XKR4: variants seen among roughly 807,000 people sequenced by gnomAD.
The protein encoded by XKR4 is XK-related protein 4.
In XKR4, 12 loss-of-function variants were observed where a neutral mutation model predicts 53.9. The ratio of observed to expected loss-of-function variants is 0.22; its 90% confidence interval spans 0.14 to 0.36. XKR4 has a LOEUF of 0.36. Ranked by LOEUF, XKR4 falls within the 10% of genes least tolerant of loss-of-function variation. The probability of loss-of-function intolerance (pLI) is 1.00; values close to 1 mark genes in which losing one functional copy is unlikely to be tolerated. For synonymous variants in XKR4, 354 were observed against 362.4 expected, an observed-to-expected ratio of 0.98 and a Z score of 0.26; for missense variants, 799 against 859.5, an observed-to-expected ratio of 0.93 and a Z score of 0.88.
intron 1 of XKR4, among the ~76,000 whole-genome samples, chr8:55,222,701 A>G (rs1162333257): frequency 6.6e-6 from 1 of 152,244 alleles, no homozygotes; most frequent in Admixed American, 6.5e-5. Flanking sequence ...TGGTACATCC[A>G]TGTTGAATGA....
At chr8:55,181,529 G>T (rs1463069484) in intron 1 of XKR4, among the ~76,000 whole-genome samples, 2 of 151,986 alleles carry the variant, frequency 1.3e-5, no homozygotes, top group East Asian at 3.9e-4. Flanking sequence ...CGGATATGCA[G>T]TAGGCATTTG....
chr8:55,318,296 C>T (rs1328790565), intron 1 of XKR4, among the ~76,000 whole-genome samples: 1 of 152,170 alleles, frequency 6.6e-6, no homozygotes, highest in East Asian at 1.9e-4. Flanking sequence ...TCAAAAGTAG[C>T]ATTATAAATA....
chr8:55,419,806 C>T (rs559689154), intron 2 of XKR4, among the ~76,000 whole-genome samples: 9 of 152,268 alleles, frequency 5.9e-5, no homozygotes, highest in South Asian at 2.1e-4. Flanking sequence ...ATTGCTTACT[C>T]GGGATACTTA....
At chr8:55,104,767 C>T (rs1217466985) in intron 1 of XKR4, among the ~76,000 whole-genome samples, 1 of 151,916 alleles carries the variant, frequency 6.6e-6, no homozygotes, top group Non-Finnish European at 1.5e-5. Context: ...ATATTTTGGA[C>T]TCAAAGTAAC....
intron 1 of XKR4, among the ~76,000 whole-genome samples, chr8:55,326,381 A>G (rs977944750): frequency 6.6e-6 from 1 of 150,908 alleles, no homozygotes; most frequent in African/African-American, 2.4e-5. Context: ...CAAAGTGCTT[A>G]TGTGATTTGT....
intron 1 of XKR4, among the ~76,000 whole-genome samples, chr8:55,238,895 G>C (rs1035008550): frequency 2.6e-5 from 4 of 152,118 alleles, no homozygotes; most frequent in African/African-American, 9.7e-5. Context: ...GGTTCATATA[G>C]GTAGTAAATA....
In XKR4 at chr8:55,103,183, A is replaced by ACAG. The variant is rs759759843; in HGVS notation, c.700_702dup (p.Ser234dup). ...ATCGCCGCGGCCAACAGCGGCAGCA[A>ACAG]CAGCAGCGGGGCTACCCGGGCCAGT... is the stretch of plus-strand genomic sequence containing the variant. On this transcript the variant is annotated inframe_insertion, in exon 1 of 3. Coordinates refer to ENST00000327381, the MANE Select transcript of XKR4 (RefSeq NM_052898.2). 2 of 1,614,058 alleles carry ACAG rather than the reference A, an allele frequency of 1.2e-6. No homozygotes were observed. The highest frequency in any genetic ancestry group is 2.2e-5 in the South Asian group (2 of 91,082).
chr8:55,172,648 A>T (rs1225106128), intron 1 of XKR4, among the ~76,000 whole-genome samples: 1 of 152,218 alleles, frequency 6.6e-6, no homozygotes, highest in Non-Finnish European at 1.5e-5. Context: ...ACAGGTATTT[A>T]AAAAACACAT....
intron 2 of XKR4, among the ~76,000 whole-genome samples, chr8:55,423,162 T>G (rs1161449118): frequency 6.6e-6 from 1 of 152,042 alleles, no homozygotes; most frequent in African/African-American, 2.4e-5. Context: ...GTGGCACGAT[T>G]TTGGCTTACT....
At chr8:55,474,539 T>C (rs1244085607) in intron 2 of XKR4, among the ~76,000 whole-genome samples, 3 of 152,122 alleles carry the variant, frequency 2.0e-5, no homozygotes, top group Non-Finnish European at 4.4e-5. Flanking sequence ...TTGGCTTCAG[T>C]GAAATGTCAT....
chr8:55,220,206 T>G (rs1817862930), intron 1 of XKR4, among the ~76,000 whole-genome samples: 1 of 152,056 alleles, frequency 6.6e-6, no homozygotes, highest in East Asian at 1.9e-4. Flanking sequence ...ATTTATCAAT[T>G]AAAAATAAAT....
In XKR4 at chr8:55,447,388, G is replaced by A. The variant is rs538106108; in HGVS notation, c.1007-75893G>A. Reference sequence around the variant, plus strand: ...AGGGCTCTTGGTAGATGGACACTACGGCTCCCCTGAGAGGGGAGAAAGGGA... The same window carrying A: ...AGGGCTCTTGGTAGATGGACACTACAGCTCCCCTGAGAGGGGAGAAAGGGA... On this transcript the variant is annotated intron_variant, in intron 2 of 2. Coordinates refer to ENST00000327381, the MANE Select transcript of XKR4 (RefSeq NM_052898.2). Among the ~76,000 whole-genome samples the A allele has an allele frequency of 9.8e-4, 149 of 152,256 alleles. 1 individual carries two copies. The highest frequency in any genetic ancestry group is 1.7e-3 in the Non-Finnish European group (115 of 68,018).
chr8:55,331,780 G>T (rs1803387604), intron 1 of XKR4, among the ~76,000 whole-genome samples: 1 of 151,830 alleles, frequency 6.6e-6, no homozygotes, highest in Non-Finnish European at 1.5e-5. Context: ...CCCTCTTTTG[G>T]TTACTGTATG....
Position 55,530,086 on chromosome 8 carries a change from T to A in XKR4, c.*5859T>A, listed in dbSNP as rs970681889. 6.7e-6 allele frequency: 1 copy of A among 148,876 alleles called. No individual in the cohort carries two copies. The highest frequency in any genetic ancestry group is 1.5e-5 in the Non-Finnish European group (1 of 67,616). The allele number at this position is 148,876 out of a possible 1,614,324, so 9.2% of individuals were successfully genotyped here. On this transcript the variant is annotated 3_prime_UTR_variant, in exon 3 of 3. Coordinates refer to ENST00000327381, the MANE Select transcript of XKR4 (RefSeq NM_052898.2). ...CTAAACCCCATTACTTACTTTGGCA[T>A]TTTGACAAGATAGAGAGAGAGGAAA...
Position 55,524,452 on chromosome 8 carries a change from A to G in XKR4, c.*225A>G. On this transcript the variant is annotated 3_prime_UTR_variant, in exon 3 of 3. Transcript: ENST00000327381. ...CCACCTGAAAGAATGACGCTGGCTT[A>G]ATAGGACTCTCCATTGCTACCAAAC... 1.7e-6 allele frequency: 1 copy of G among 572,656 alleles called. No individual in the cohort carries two copies. The highest frequency in any genetic ancestry group is 3.1e-6 in the Non-Finnish European group (1 of 324,480). The allele number at this position is 572,656 out of a possible 1,614,324, so 35.5% of individuals were successfully genotyped here. A position where few individuals can be genotyped will look rare whatever the true frequency, so the allele number is the denominator to read the frequency against.
At chr8:55,105,334 A>G (rs1475535325) in intron 1 of XKR4, among the ~76,000 whole-genome samples, 5 of 151,006 alleles carry the variant, frequency 3.3e-5, no homozygotes, top group African/African-American at 7.3e-5. Flanking sequence ...ATCATACAGA[A>G]AAGTTATTTC....
chr8:55,404,275 ATAGG>A (rs1285925104), intron 2 of XKR4, among the ~76,000 whole-genome samples: 1 of 151,822 alleles, frequency 6.6e-6, no homozygotes, highest in African/African-American at 2.4e-5. Context: ...TGACAGATAG[ATAGG>A]TAGATAATAG....
At chr8:55,451,738 T>A in intron 2 of XKR4, 1 of 1,217,356 alleles carries the variant, frequency 8.2e-7, no homozygotes, top group Non-Finnish European at 1.2e-6. Context: ...GCGGAAGGAT[T>A]CAGACTTGGC....
At chr8:55,120,916 C>G (rs1816382359) in intron 1 of XKR4, among the ~76,000 whole-genome samples, 1 of 152,180 alleles carries the variant, frequency 6.6e-6, no homozygotes, top group Non-Finnish European at 1.5e-5. Context: ...GGTGTTTTTA[C>G]TGTCTGAAGT....
Sources: gnomAD v4.1 joint callset for allele counts (sites outside exome capture counted in the v4.1 genomes callset) on GRCh38, gnomAD v4.1.1 for gene constraint, MANE v1.5 for transcripts, NCBI Gene and HGNC (gene_info 2026-07-23, HGNC 2026-07-21) for gene names.